Variants in FAM53B observed in about 807,000 individuals in gnomAD.
FAM53B encodes the protein family with sequence similarity 53 member B.
A neutral mutation model predicts 32.7 loss-of-function variants in FAM53B; 12 were observed. The ratio of observed to expected loss-of-function variants is 0.37; its 90% CI spans 0.24 to 0.59. The LOEUF (loss-of-function observed/expected upper bound fraction) is 0.59. Ranked by LOEUF, FAM53B falls within the 20% of genes least tolerant of loss-of-function variation. The pLI is 0.72. For synonymous variants in FAM53B, 234 were observed against 228.7 expected, an observed-to-expected ratio of 1.02 and a Z score of -0.21; for missense variants, 477 against 577.7, an observed-to-expected ratio of 0.83 and a Z score of 1.79.
At chr10:124,670,128 G>A (rs1949698713) in intron 4 of FAM53B, among the ~76,000 whole-genome samples, 1 of 152,158 alleles carries the variant, frequency 6.6e-6, no homozygotes, top group South Asian at 2.1e-4. Flanking sequence ...GCCACTCGCT[G>A]CCACTGTCCA....
At chr10:124,680,438 G>C (rs1949762464) in intron 4 of FAM53B, among the ~76,000 whole-genome samples, 1 of 152,216 alleles carries the variant, frequency 6.6e-6, no homozygotes, top group Non-Finnish European at 1.5e-5. Context: ...AGACCTCTAT[G>C]TTGGGAGTAG....
At chr10:124,696,312 G>A in intron 2 of FAM53B, 100 bp from the exon 3 acceptor site, 1 of 1,021,458 alleles carries the variant, frequency 9.8e-7, no homozygotes, top group Non-Finnish European at 1.5e-6. Flanking sequence ...AAGGGTGACT[G>A]TCCTTTGCCA....
chr10:124,658,168 C>T (rs1324045699), intron 4 of FAM53B, among the ~76,000 whole-genome samples: 3 of 152,178 alleles, frequency 2.0e-5, no homozygotes, highest in African/African-American at 7.2e-5. Context: ...GAGCAAGAAC[C>T]CAGGGGAGGG....
chr10:124,741,485 A>G (rs1438524333), intron 1 of FAM53B, among the ~76,000 whole-genome samples: 1 of 152,154 alleles, frequency 6.6e-6, no homozygotes. Flanking sequence ...GCCAGCTCCT[A>G]ATATTTAAAC....
chr10:124,720,754 A>G (rs952986222), intron 1 of FAM53B, among the ~76,000 whole-genome samples: 4 of 152,252 alleles, frequency 2.6e-5, no homozygotes, highest in Non-Finnish European at 5.9e-5. Flanking sequence ...ATGAACATAC[A>G]TAAGCCACAG....
At chr10:124,638,374 A>AAAAACAAAAC (rs3837354) in intron 4 of FAM53B, among the ~76,000 whole-genome samples, 122 of 151,522 alleles carry the variant, frequency 8.1e-4, no homozygotes, top group African/African-American at 2.2e-3. Flanking sequence ...ACTCCACCTC[A>AAAAACAAAAC]AAAACAAAAC....
At chr10:124,736,544 C>A (rs1173021952) in intron 1 of FAM53B, among the ~76,000 whole-genome samples, 3 of 152,286 alleles carry the variant, frequency 2.0e-5, no homozygotes, top group Admixed American at 6.5e-5. Context: ...GACAGAACCT[C>A]CCTCTGCTCC....
chr10:124,624,898 G>A (rs532237852), intron 4 of FAM53B, among the ~76,000 whole-genome samples: 68 of 152,316 alleles, frequency 4.5e-4, no homozygotes, highest in South Asian at 1.0e-3. Flanking sequence ...CTGCAGCAAC[G>A]AGGTCGAATA....
intron 3 of FAM53B, among the ~76,000 whole-genome samples, chr10:124,685,362 T>C (rs540941196): frequency 6.6e-6 from 1 of 152,378 alleles, no homozygotes; most frequent in South Asian, 2.1e-4. Flanking sequence ...ACTCAGGAAG[T>C]GAGCCAGGGT....
chr10:124,691,955 G>T (rs1949835357), intron 3 of FAM53B, among the ~76,000 whole-genome samples: 1 of 152,242 alleles, frequency 6.6e-6, no homozygotes, highest in African/African-American at 2.4e-5. Flanking sequence ...CGGCTGACCA[G>T]GGGGTGGGCC....
intron 4 of FAM53B, among the ~76,000 whole-genome samples, chr10:124,648,001 G>A (rs1949530180): frequency 6.6e-6 from 1 of 152,202 alleles, no homozygotes; most frequent in Non-Finnish European, 1.5e-5. Context: ...AGAGTCAACA[G>A]GAAATGCACT....
At chr10:124,710,834 C>T (rs977375945) in intron 1 of FAM53B, among the ~76,000 whole-genome samples, 12 of 152,102 alleles carry the variant, frequency 7.9e-5, no homozygotes, top group African/African-American at 2.7e-4. Context: ...ACCCAGGGTC[C>T]GGGTTCAAAG....
intron 3 of FAM53B, among the ~76,000 whole-genome samples, chr10:124,689,677 G>T (rs776827377): frequency 6.6e-6 from 1 of 152,256 alleles, no homozygotes; most frequent in Non-Finnish European, 1.5e-5. Context: ...CAAAGATCGG[G>T]GTTCAGAGCC....
intron 4 of FAM53B, chr10:124,667,384 T>C (rs1949679027): frequency 1.3e-6 from 1 of 767,750 alleles, no homozygotes; most frequent in African/African-American, 1.7e-5. Flanking sequence ...CCACCGCCTG[T>C]AAAATGGATA....
At chr10:124,742,284 T>C (rs957234081) in intron 1 of FAM53B, 1 of 152,284 alleles carries the variant, frequency 6.6e-6, no homozygotes, top group Admixed American at 6.5e-5. Context: ...AGTAGCTGTT[T>C]CTGTAGTCCA....
chr10:124,691,925 G>A lies in FAM53B; in HGVS notation c.133+4233C>T, dbSNP rs148621304. On this transcript the variant is annotated intron_variant, in intron 3 of 4. Transcript: ENST00000337318. ...ACTAGAAATGAGAGCCAGGAGCAAGGGCTGGCTCCCTCACCCAGCCGGCTG... is the reference window on the plus strand; with the variant it reads ...ACTAGAAATGAGAGCCAGGAGCAAGAGCTGGCTCCCTCACCCAGCCGGCTG... 4.8e-3 allele frequency among the ~76,000 whole-genome samples: 729 copies of A among 152,320 alleles called. 7 individuals carry two copies. Among genetic ancestry groups the A allele is most frequent in the Non-Finnish European group, 8.3e-3 (564 of 68,028 alleles).
chr10:124,723,691 C>T (rs1950083944), intron 1 of FAM53B, among the ~76,000 whole-genome samples: 2 of 152,202 alleles, frequency 1.3e-5, no homozygotes, highest in South Asian at 2.1e-4. Flanking sequence ...GTGAGGCGGG[C>T]AGCACTTGCA....
Position 124,623,484 on chromosome 10 carries a change from A to G in FAM53B, c.1027T>C (p.Ser343Pro). The change falls in exon 5 of 5, where the codon TCC (serine) becomes CCC (proline). Residue 343 changes from serine to proline, a missense_variant. Ser to Pro is a moderately conservative substitution (Grantham distance 74). Around this residue, in one of 2 missense-constraint regions of FAM53B, gnomAD observed 165 missense variants for 157.5 expected, o/e 1.05. Coordinates refer to ENST00000337318, the MANE Select transcript of FAM53B (RefSeq NM_014661.4). ...GCGGGGGTCCTGCCCCCTGGGCCGG[A>G]GGCTGAGAGCAGGGCGGTCCAGGCC... ...TRAWTALLSASGPGGRTPAGT... is the reference protein window; with the variant it reads ...TRAWTALLSAPGPGGRTPAGT... 1 of 1,587,816 alleles carries G rather than the reference A, an allele frequency of 6.3e-7. No homozygotes were observed. Among genetic ancestry groups the G allele is most frequent in the Non-Finnish European group, 8.6e-7 (1 of 1,168,042 alleles).
At chr10:124,735,493 G>A (rs563561259) in intron 1 of FAM53B, among the ~76,000 whole-genome samples, 12 of 152,286 alleles carry the variant, frequency 7.9e-5, no homozygotes, top group African/African-American at 2.2e-4. Context: ...AAAACCCTAC[G>A]CTATCTGAGA....
Sources: gnomAD v4.1 joint callset for allele counts (sites outside exome capture counted in the v4.1 genomes callset) on GRCh38, gnomAD v4.1.1 for gene constraint, gnomAD v4.1.1 regional missense constraint, MANE v1.5 for transcripts, NCBI Gene and HGNC (gene_info 2026-07-23, HGNC 2026-07-21) for gene names.